Variants in KCNQ3 observed in about 807,000 individuals in gnomAD.
KCNQ3 encodes the protein potassium voltage-gated channel subfamily Q member 3.
KCNQ3 carries 30 observed loss-of-function variants against 92.5 expected under a neutral mutation model. That is an observed-to-expected ratio of 0.32 (90% CI 0.24 to 0.44). KCNQ3 has a LOEUF of 0.44. KCNQ3 is among the 20% of genes least tolerant of loss of function. The pLI, the probability that KCNQ3 is intolerant of heterozygous loss-of-function variation, is 1.00. For synonymous variants in KCNQ3, 450 were observed against 468.8 expected (o/e 0.96, Z 0.52); for missense variants, 913 against 1,140.3 (o/e 0.80, Z 2.87).
intron 1 of KCNQ3, among the ~76,000 whole-genome samples, chr8:132,273,457 A>G (rs912072482): frequency 6.6e-6 from 1 of 152,182 alleles, no homozygotes; most frequent in Non-Finnish European, 1.5e-5. Context: ...CAGCCCATGA[A>G]ACCATTTTTT....
Position 132,127,094 on chromosome 8 carries a change from CA to C in KCNQ3, c.*2167del, listed in dbSNP as rs1311665660. 1 of 152,158 alleles carries C rather than the reference CA, an allele frequency of 6.6e-6. No homozygotes were observed. The highest frequency in any genetic ancestry group is 1.5e-5 in the Non-Finnish European group (1 of 68,032). 9.4% of individuals were successfully genotyped at this position (152,158 alleles called of 1,614,324 possible). On this transcript the variant is annotated 3_prime_UTR_variant, in exon 15 of 15. Coordinates refer to ENST00000388996, the MANE Select transcript of KCNQ3 (RefSeq NM_004519.4). ...CAATAATCAAGCCCTCAGGAAGGGG[CA>C]TAGGGTTTCTTAGGTTGTAATCCCC...
intron 8 of KCNQ3, among the ~76,000 whole-genome samples, chr8:132,169,452 T>A (rs560709287): frequency 3.4e-4 from 52 of 152,326 alleles, no homozygotes; most frequent in African/African-American, 1.2e-3. Flanking sequence ...AAGGTTCTTA[T>A]TTTTCTCTGA....
At chr8:132,317,530 G>A (rs886665663) in intron 1 of KCNQ3, among the ~76,000 whole-genome samples, 14 of 152,310 alleles carry the variant, frequency 9.2e-5, no homozygotes, top group South Asian at 8.3e-4. Flanking sequence ...CTGTGAAGGC[G>A]TCCAGTCACC....
chr8:132,154,559 G>A (rs887846016), intron 9 of KCNQ3, among the ~76,000 whole-genome samples: 14 of 152,134 alleles, frequency 9.2e-5, no homozygotes, highest in African/African-American at 3.4e-4. Context: ...CTTTAGAGGA[G>A]GGAATGATAG....
At chr8:132,169,124 A>G (rs1826230898) in intron 8 of KCNQ3, among the ~76,000 whole-genome samples, 1 of 152,188 alleles carries the variant, frequency 6.6e-6, no homozygotes, top group Non-Finnish European at 1.5e-5. Flanking sequence ...TGACTCTGCT[A>G]GCTTCTCTGA....
At chr8:132,223,047 G>A (rs189295395) in intron 1 of KCNQ3, among the ~76,000 whole-genome samples, 106 of 152,330 alleles carry the variant, frequency 7.0e-4, no homozygotes, top group African/African-American at 2.1e-3. Context: ...GTGGGTGGAA[G>A]TGCTTTTTTA....
Position 132,480,663 on chromosome 8 carries a change from C to A in KCNQ3, c.-131G>T. 1 of 952,752 alleles carries A rather than the reference C, an allele frequency of 1.0e-6. No individual in the cohort carries two copies. The highest frequency in any genetic ancestry group is 1.3e-6 in the Non-Finnish European group (1 of 786,906). 59.0% of individuals were successfully genotyped at this position (952,752 alleles called of 1,614,324 possible). A position where few individuals can be genotyped will look rare whatever the true frequency, so the allele number is the denominator to read the frequency against. ...ACTCCAATGCCATGATCCGCGCGCC[C>A]CTCCCCACCCCCCCCCAAAAGCAGG... On this transcript the variant is annotated 5_prime_UTR_variant, in exon 1 of 15. Transcript: ENST00000388996.
intron 1 of KCNQ3, among the ~76,000 whole-genome samples, chr8:132,416,890 G>A (rs988741135): frequency 1.3e-5 from 2 of 152,174 alleles, no homozygotes; most frequent in African/African-American, 4.8e-5. Context: ...GAAAGGCAGG[G>A]CAGGTGTTCC....
chr8:132,185,808 T>G (rs1222243563), intron 2 of KCNQ3, among the ~76,000 whole-genome samples: 1 of 152,252 alleles, frequency 6.6e-6, no homozygotes, highest in African/African-American at 2.4e-5. Context: ...TGGGAAGCTG[T>G]ATTTTATAAT....
intron 1 of KCNQ3, among the ~76,000 whole-genome samples, chr8:132,458,978 T>C (rs756719811): frequency 6.6e-6 from 1 of 152,222 alleles, no homozygotes; most frequent in Non-Finnish European, 1.5e-5. Flanking sequence ...CCATCTAGGA[T>C]CCCATATTTC....
chr8:132,278,616 C>T (rs1057293719), intron 1 of KCNQ3, among the ~76,000 whole-genome samples: 4 of 152,190 alleles, frequency 2.6e-5, no homozygotes, highest in African/African-American at 9.7e-5. Flanking sequence ...GAACAAGATC[C>T]ACCTTCTTAC....
intron 1 of KCNQ3, among the ~76,000 whole-genome samples, chr8:132,442,075 G>C (rs994067530): frequency 6.6e-6 from 1 of 152,170 alleles, no homozygotes; most frequent in African/African-American, 2.4e-5. Flanking sequence ...CGGTCTTTCA[G>C]AGGGTGGAGG....
Position 132,362,085 on chromosome 8 carries a change from G to A in KCNQ3, c.386+118062C>T, listed in dbSNP as rs139270701. Reference sequence around the variant, plus strand: ...CTTGAACAAAGAAAAAAACATGCACGAGAGCTCCTAAAATGTTGATAGTGC... The same window carrying A: ...CTTGAACAAAGAAAAAAACATGCACAAGAGCTCCTAAAATGTTGATAGTGC... On this transcript the variant is annotated intron_variant, in intron 1 of 14. Coordinates refer to ENST00000388996, the MANE Select transcript of KCNQ3 (RefSeq NM_004519.4). 3.6e-4 allele frequency among the ~76,000 whole-genome samples: 55 copies of A among 152,188 alleles called. 1 individual carries two copies. Among genetic ancestry groups the A allele is most frequent in the African/African-American group, 1.2e-3 (51 of 41,536 alleles).
intron 1 of KCNQ3, among the ~76,000 whole-genome samples, chr8:132,259,232 A>G (rs1039781961): frequency 6.6e-6 from 1 of 152,122 alleles, no homozygotes; most frequent in Non-Finnish European, 1.5e-5. Flanking sequence ...TCCATTATGA[A>G]TATAGATACA....
chr8:132,197,159 G>A (rs1199507830), intron 1 of KCNQ3, among the ~76,000 whole-genome samples: 1 of 152,134 alleles, frequency 6.6e-6, no homozygotes, highest in Non-Finnish European at 1.5e-5. Context: ...TCCAGTCTGA[G>A]TAACCATCTG....
chr8:132,336,187 A>AC (rs771851591), intron 1 of KCNQ3, among the ~76,000 whole-genome samples: 5 of 152,102 alleles, frequency 3.3e-5, no homozygotes, highest in Non-Finnish European at 5.9e-5. Flanking sequence ...TTTGGGACCT[A>AC]CCCCAACCAA....
intron 1 of KCNQ3, among the ~76,000 whole-genome samples, chr8:132,305,083 A>C (rs1817377094): frequency 6.6e-6 from 1 of 152,156 alleles, no homozygotes; most frequent in African/African-American, 2.4e-5. Flanking sequence ...AGACCACTTC[A>C]TCTAAGCTCC....
chr8:132,344,302 A>G (rs1387417893), intron 1 of KCNQ3, among the ~76,000 whole-genome samples: 1 of 152,220 alleles, frequency 6.6e-6, no homozygotes, highest in Non-Finnish European at 1.5e-5. Context: ...GATTTTATAA[A>G]TGCATCATAT....
At position 132,186,016 on chromosome 8, in the gene KCNQ3, TGCACCCAAGG is replaced by T. The variant is rs1826945344; in HGVS notation, c.477+65_477+74del. The T allele has an allele frequency of 9.3e-6, 10 of 1,072,598 alleles. No individual in the cohort carries two copies. In the Admixed American group the frequency reaches 1.2e-4, roughly 13 times the overall value. 66.4% of individuals were successfully genotyped at this position (1,072,598 alleles called of 1,614,324 possible). On this transcript the variant is annotated intron_variant, in intron 2 of 14. Coordinates refer to ENST00000388996, the MANE Select transcript of KCNQ3 (RefSeq NM_004519.4). ...GAAGCTGCAACCAGTCAGGGAGGAGTGCACCCAAGGGCAACCTCCTTTTCATCACTCTGGA... is the reference window on the plus strand; with the variant it reads ...GAAGCTGCAACCAGTCAGGGAGGAGTGCAACCTCCTTTTCATCACTCTGGA...
Sources: allele counts gnomAD v4.1 joint callset (sites outside exome capture counted in the v4.1 genomes callset), GRCh38; gene constraint gnomAD v4.1.1; transcripts MANE v1.5; gene names NCBI Gene and HGNC (gene_info 2026-07-23, HGNC 2026-07-21).